Variants in SLC22A8 observed in about 807,000 individuals in gnomAD.
SLC22A8 encodes organic anion transporter 3.
SLC22A8 carries 40 observed loss-of-function variants against 48.4 expected under a neutral mutation model. The ratio of observed to expected loss-of-function variants is 0.83; its 90% CI spans 0.64 to 1.08. The LOEUF (loss-of-function observed/expected upper bound fraction) is 1.08. SLC22A8 is among the 50% of genes least tolerant of loss of function. SLC22A8 has a pLI of 0.00. For synonymous variants in SLC22A8, 268 were observed against 286.3 expected (o/e 0.94, Z 0.65); for missense variants, 606 against 699.0 (o/e 0.87, Z 1.50).
chr11:63,012,732 G>A (rs909295487), intron 2 of SLC22A8, among the ~76,000 whole-genome samples: 1 of 152,220 alleles, frequency 6.6e-6, no homozygotes, highest in Non-Finnish European at 1.5e-5. Flanking sequence ...CTTGGGAAAC[G>A]TGTGTATTCC....
chr11:63,006,642 C>G (rs374926997), intron 2 of SLC22A8, among the ~76,000 whole-genome samples: 3 of 92,306 alleles, frequency 3.3e-5, no homozygotes, highest in Admixed American at 1.7e-4. Flanking sequence ...GAGTCTTGCT[C>G]TGTTACTCAG....
chr11:63,010,741 G>A (rs1041144394), intron 2 of SLC22A8, among the ~76,000 whole-genome samples: 1 of 152,216 alleles, frequency 6.6e-6, no homozygotes, highest in Non-Finnish European at 1.5e-5. Flanking sequence ...GACCCCCGGC[G>A]TCCTGCTGGG....
At chr11:63,003,800 T>TGGAA (rs1425785754) in intron 2 of SLC22A8, among the ~76,000 whole-genome samples, 2 of 152,150 alleles carry the variant, frequency 1.3e-5, no homozygotes, top group African/African-American at 4.8e-5. Flanking sequence ...TTGGTGGGAA[T>TGGAA]GGTGACAACT....
In SLC22A8 at chr11:62,993,523, A is replaced by G; in HGVS notation, c.1430T>C (p.Ile477Thr). The G allele has an allele frequency of 6.2e-7, 1 of 1,614,188 alleles. No individual in the cohort carries two copies. The highest frequency in any genetic ancestry group is 8.5e-7 in the Non-Finnish European group (1 of 1,180,026). The change falls in exon 10 of 11, where the codon ATC (isoleucine) becomes ACC (threonine). Residue 477 changes from isoleucine (I) to threonine (T), a missense_variant. Transcript: ENST00000336232. ...CCCGAGGAGGGCGGTGATCCCGTAG[A>G]TGATATTGGGGATGAAGGGCTGTAC... ...GEVQPFIPNI[I>T]YGITALLGGS...
chr11:62,996,866 G>A (rs1282755571), intron 5 of SLC22A8, among the ~76,000 whole-genome samples: 1 of 152,222 alleles, frequency 6.6e-6, no homozygotes, highest in Non-Finnish European at 1.5e-5. Flanking sequence ...GTGGTGTTTG[G>A]AGAAGTCTGG....
Position 63,000,712 on chromosome 11 carries a change from T to C in SLC22A8, c.437+8A>G, listed in dbSNP as rs775833621. The C allele has an allele frequency of 2.5e-6, 4 of 1,591,332 alleles. No individual in the cohort carries two copies. The highest frequency in any genetic ancestry group is 2.7e-5 in the African/African-American group (2 of 74,482). ...CATGCTTCCATGGGCTGTGCCCCCA[T>C]GTCTCACCTGTCAGACAGGTCTCCA... On this transcript the variant is annotated splice_region_variant and intron_variant, in intron 3 of 10. Transcript: ENST00000336232.
Position 62,993,874 on chromosome 11 carries a change from CA to C in SLC22A8, c.1220del (p.Leu407CysfsTer4). ...CAGCCAATACTGTCCTCACGGTCTG[CA>C]AGTCTGCAGAGGGAAGAAAATGTGG... The part of the protein sequence containing the change: ...ILALTFVPLD[L>X]QTVRTVLAVF... On this transcript the variant is annotated frameshift_variant, in exon 9 of 11. Transcript: ENST00000336232. LOFTEE classifies it high-confidence loss of function. The C allele has an allele frequency of 6.2e-7, 1 of 1,607,594 alleles. No individual in the cohort carries two copies. The highest frequency in any genetic ancestry group is 1.7e-5 in the Admixed American group (1 of 60,006).
intron 8 of SLC22A8, chr11:62,994,223 G>A (rs2086380724): frequency 1.9e-6 from 1 of 521,386 alleles, no homozygotes; most frequent in Admixed American, 3.3e-5. Flanking sequence ...GGTCTTTCTT[G>A]AGCATGAGCT....
chr11:63,011,284 C>T (rs1197271608), intron 2 of SLC22A8, among the ~76,000 whole-genome samples: 1 of 152,238 alleles, frequency 6.6e-6, no homozygotes, highest in African/African-American at 2.4e-5. Context: ...AAGAAAGGTG[C>T]TAACCTTAGA....
chr11:63,013,682 T>A (rs1271609933), intron 2 of SLC22A8, among the ~76,000 whole-genome samples: 1 of 152,194 alleles, frequency 6.6e-6, no homozygotes, highest in African/African-American at 2.4e-5. Flanking sequence ...GGACAATCAT[T>A]TCCTTTCTCT....
chr11:63,010,977 T>C (rs1054385020), intron 2 of SLC22A8, among the ~76,000 whole-genome samples: 4 of 152,216 alleles, frequency 2.6e-5, no homozygotes, highest in Non-Finnish European at 4.4e-5. Context: ...AAGTCCTTCA[T>C]TCAGTGTTGA....
chr11:62,996,101 C>G lies in SLC22A8; in HGVS notation c.813G>C (p.Lys271Asn), dbSNP rs766142278. 26 of 1,613,730 alleles carry G rather than the reference C, an allele frequency of 1.6e-5. No homozygotes were observed. Among genetic ancestry groups the G allele is most frequent in the Non-Finnish European group, 2.1e-5 (25 of 1,179,892 alleles). Residue 271 changes from lysine (K) to asparagine (N), a missense_variant, in exon 6 of 11, where the codon AAG becomes AAC. Transcript: ENST00000336232. The part of the protein sequence containing the change: ...RWLVLSGKSS[K>N]ALKILRRVAV... Reference sequence around the variant, plus strand: ...CCACCCGCCGGAGTATCTTCAGGGCCTTCGAGGACTTTCCAGACAAGACCA... The same window carrying G: ...CCACCCGCCGGAGTATCTTCAGGGCGTTCGAGGACTTTCCAGACAAGACCA...
chr11:63,002,621 G>C (rs2086509605), intron 2 of SLC22A8, among the ~76,000 whole-genome samples: 1 of 151,602 alleles, frequency 6.6e-6, no homozygotes, highest in African/African-American at 2.4e-5. Flanking sequence ...ATATATAAAT[G>C]AGATCATGCT....
chr11:62,992,915 T>A lies in SLC22A8; in HGVS notation c.*322A>T. On this transcript the variant is annotated 3_prime_UTR_variant, in exon 11 of 11. Coordinates refer to ENST00000336232, the MANE Select transcript of SLC22A8 (RefSeq NM_004254.4). Reference sequence around the variant, plus strand: ...GACTTCTCATCTTGTTAAGACTCAGTCTTGTTAGGACTGAGCCAGGGGATA... The same window carrying A: ...GACTTCTCATCTTGTTAAGACTCAGACTTGTTAGGACTGAGCCAGGGGATA... The A allele has an allele frequency of 2.8e-6, 1 of 360,584 alleles. No individual in the cohort carries two copies. Among genetic ancestry groups the A allele is most frequent in the Non-Finnish European group, 5.0e-6 (1 of 199,556 alleles). 22.3% of individuals were successfully genotyped at this position (360,584 alleles called of 1,614,324 possible). A position where few individuals can be genotyped will look rare whatever the true frequency, so the allele number is the denominator to read the frequency against.
At chr11:62,999,203 C>G in intron 4 of SLC22A8, 114 bp from the exon 5 acceptor site, 4 of 883,572 alleles carry the variant, frequency 4.5e-6, no homozygotes, top group Non-Finnish European at 7.2e-6. Flanking sequence ...CCCACGGATG[C>G]TGTTGATATC....
At chr11:63,001,212 G>A (rs943896837) in intron 2 of SLC22A8, among the ~76,000 whole-genome samples, 1 of 152,028 alleles carries the variant, frequency 6.6e-6, no homozygotes, top group Non-Finnish European at 1.5e-5. Context: ...CTACAGGGAC[G>A]TTCCTCTATC....
chr11:63,001,096 G>A, intron 2 of SLC22A8: 1 of 418,770 alleles, frequency 2.4e-6, no homozygotes, highest in Non-Finnish European at 4.4e-6. Context: ...GGCCTCAACT[G>A]CTTCCTCCTC....
chr11:62,999,644 A>G, intron 4 of SLC22A8, 44 bp downstream of exon 4: 2 of 1,429,166 alleles, frequency 1.4e-6, no homozygotes, highest in South Asian at 3.3e-5. Flanking sequence ...TGGCTTCTGG[A>G]TGGTGCTCCC....
chr11:63,004,385 C>T (rs1331003538), intron 2 of SLC22A8, among the ~76,000 whole-genome samples: 1 of 152,230 alleles, frequency 6.6e-6, no homozygotes, highest in Non-Finnish European at 1.5e-5. Flanking sequence ...CTACTGCCCT[C>T]TCCCTCACAT....
Sources: gnomAD v4.1 joint callset for allele counts (sites outside exome capture counted in the v4.1 genomes callset) on GRCh38, gnomAD v4.1.1 for gene constraint, MANE v1.5 for transcripts, NCBI Gene and HGNC (gene_info 2026-07-23, HGNC 2026-07-21) for gene names.